Variants in MYH15 observed in about 807,000 individuals in gnomAD.
MYH15 encodes myosin-15.
A neutral mutation model predicts 240.5 loss-of-function variants in MYH15; 227 were observed. The observed-to-expected ratio is 0.94, with a 90% CI of 0.85 to 1.05. The LOEUF is 1.05. Among genes scored for constraint, MYH15 ranks in the 50% least tolerant of loss-of-function variants. The probability of loss-of-function intolerance (pLI) is 0.00; values close to 1 mark genes in which losing one functional copy is unlikely to be tolerated. For missense variants in MYH15, 2,217 were observed against 2,247.5 expected, an observed-to-expected ratio of 0.99 and a Z score of 0.27; for synonymous variants, 785 against 796.7, an observed-to-expected ratio of 0.99 and a Z score of 0.25.
At chr3:108,462,999 C>A (rs940501996) in intron 16 of MYH15, 112 bp downstream of exon 16, 24 of 1,274,026 alleles carry the variant, frequency 1.9e-5, no homozygotes, top group Non-Finnish European at 2.6e-5. Context: ...ACGACTCAGA[C>A]CACAGGGAGC....
intron 12 of MYH15, among the ~76,000 whole-genome samples, chr3:108,472,376 G>C (rs1013476563): frequency 3.9e-5 from 6 of 152,204 alleles, no homozygotes; most frequent in African/African-American, 1.4e-4. Flanking sequence ...CTGCCCAGGA[G>C]AGAGCACACA....
At chr3:108,490,423 C>T (rs2083337688) in intron 9 of MYH15, among the ~76,000 whole-genome samples, 1 of 152,210 alleles carries the variant, frequency 6.6e-6, no homozygotes, top group Non-Finnish European at 1.5e-5. Flanking sequence ...GCATTGTTGT[C>T]CTCAAAGGCT....
chr3:108,532,315 C>T (rs2083717043), upstream of MYH15, among the ~76,000 whole-genome samples: 1 of 151,768 alleles, frequency 6.6e-6, no homozygotes. Flanking sequence ...AGACCTTATC[C>T]AATCAAAAAA....
At position 108,389,967 on chromosome 3, in the gene MYH15, C is replaced by A. The variant is rs1214648430; in HGVS notation, c.5431-893G>T. Among the ~76,000 whole-genome samples, 11 of 152,316 alleles carry A rather than the reference C, an allele frequency of 7.2e-5. No individual in the cohort carries two copies. The East Asian group carries it at 2.1e-3, about 29-fold the overall frequency. ...TCCCCACTGGAGCCATTCTTCCCTC[C>A]TGTACCTCCTCAGAGAGGTGCAACG... On this transcript the variant is annotated intron_variant, in intron 37 of 40. Transcript: ENST00000693548.
At chr3:108,517,377 G>A (rs1439137266) in intron 1 of MYH15, among the ~76,000 whole-genome samples, 3 of 152,084 alleles carry the variant, frequency 2.0e-5, no homozygotes, top group African/African-American at 7.2e-5. Context: ...TTGTTGCCCA[G>A]GCTGGAGTGC....
At chr3:108,537,894 C>G in the MYH15 span, among the ~76,000 whole-genome samples, 83 of 152,260 alleles carry the variant, frequency 5.5e-4, no homozygotes, top group Admixed American at 9.2e-4. Flanking sequence ...TTACTACAGT[C>G]TTGTTTCTCA....
intron 33 of MYH15, among the ~76,000 whole-genome samples, chr3:108,400,689 G>A (rs202055192): frequency 6.6e-6 from 1 of 152,172 alleles, no homozygotes; most frequent in East Asian, 1.9e-4. Context: ...TGTGTCTGTA[G>A]TCCCAGCTAC....
In MYH15 at chr3:108,384,626, T is replaced by G. The variant is rs558963102; in HGVS notation, c.5631+61A>C. On this transcript the variant is annotated intron_variant, in intron 39 of 40. Coordinates refer to ENST00000693548, the MANE Select transcript of MYH15 (RefSeq NM_014981.3). ...TGCTTGCTGAGCTCAGGGTCACAGA[T>G]CTCCCTTAATCAAAACAACACTGGG... 1.6e-4 allele frequency: 228 copies of G among 1,456,332 alleles called. 1 individual carries two copies. Among genetic ancestry groups the G allele is most frequent in the Admixed American group, 7.8e-4 (46 of 59,154 alleles). 90.2% of individuals were successfully genotyped at this position (1,456,332 alleles called of 1,614,324 possible).
intron 12 of MYH15, among the ~76,000 whole-genome samples, chr3:108,473,533 C>T (rs2083194858): frequency 6.6e-6 from 1 of 152,154 alleles, no homozygotes; most frequent in Admixed American, 6.5e-5. Context: ...CTAGTTGTGT[C>T]ACCTTGAGTG....
At chr3:108,437,817 T>C (rs1312871228) in intron 24 of MYH15, 118 bp from the exon 25 acceptor site, 30 of 1,020,666 alleles carry the variant, frequency 2.9e-5, no homozygotes, top group Non-Finnish European at 3.9e-5. Flanking sequence ...ATTCTATAAA[T>C]GATGCCCAGT....
Position 108,464,648 on chromosome 3 carries a change from T to C in MYH15, c.1721A>G (p.Tyr574Cys), listed in dbSNP as rs1303236433. 1.2e-6 allele frequency: 2 copies of C among 1,612,048 alleles called. No individual in the cohort carries two copies. The highest frequency in any genetic ancestry group is 8.5e-7 in the Non-Finnish European group (1 of 1,179,228). The stretch of plus-strand genomic sequence containing the variant: ...CCAGAGGTAACTCACCACTCCTGCA[T>C]AATGGACAAGTTCAAAATGAGCTTC... ...KFEAHFELVH[Y>C]AGVVPYNISG... The change falls in exon 15 of 41, where the codon TAT (tyrosine) becomes TGT (cysteine). Residue 574 changes from tyrosine to cysteine, a missense_variant. Tyr to Cys is a radical substitution (Grantham distance 194). Transcript: ENST00000693548.
At chr3:108,389,786 C>A (rs930009996) in intron 37 of MYH15, among the ~76,000 whole-genome samples, 1 of 152,190 alleles carries the variant, frequency 6.6e-6, no homozygotes, top group African/African-American at 2.4e-5. Flanking sequence ...TTGATGTTGG[C>A]TGCTCCCCCT....
chr3:108,530,922 A>G (rs1451003667), upstream of MYH15, among the ~76,000 whole-genome samples: 1 of 152,208 alleles, frequency 6.6e-6, no homozygotes, highest in African/African-American at 2.4e-5. Context: ...ATTGAATACA[A>G]TAAGTAGAGC....
intron 15 of MYH15, among the ~76,000 whole-genome samples, chr3:108,463,658 A>C (rs2083090367): frequency 6.6e-6 from 1 of 152,112 alleles, no homozygotes; most frequent in Non-Finnish European, 1.5e-5. Context: ...TAAATCACAA[A>C]TTATATGGGT....
At chr3:108,502,260 T>C (rs2083444427) in intron 2 of MYH15, among the ~76,000 whole-genome samples, 1 of 152,140 alleles carries the variant, frequency 6.6e-6, no homozygotes. Flanking sequence ...GAGGCAGACC[T>C]TATCCTTCCA....
At chr3:108,500,930 G>A (rs78240026) in intron 3 of MYH15, among the ~76,000 whole-genome samples, 6,562 of 152,174 alleles carry the variant, frequency 0.043, 467 homozygotes, top group African/African-American at 0.15. Flanking sequence ...TGCTAGAGCC[G>A]CTAGAAGCTG....
chr3:108,429,426 A>C (rs750172219), intron 26 of MYH15, among the ~76,000 whole-genome samples: 11 of 152,320 alleles, frequency 7.2e-5, no homozygotes, highest in Non-Finnish European at 1.2e-4. Context: ...GATTTCAAGG[A>C]AGAGATTTGA....
In MYH15 at chr3:108,501,767, T is replaced by C. The variant is rs528646816; in HGVS notation, c.284A>G (p.Asn95Ser). Reference sequence around the variant, plus strand: ...CAGGGTATGCAGCACGGATGCCTCATTGAGGTGAGTCAGCATTGCCATGTC... The same window carrying C: ...CAGGGTATGCAGCACGGATGCCTCACTGAGGTGAGTCAGCATTGCCATGTC... ...IEDMAMLTHL[N>S]EASVLHTLKR... Residue 95 changes from asparagine to serine, a missense_variant, in exon 3 of 41, where the codon AAT becomes AGT. Asn to Ser is a conservative substitution (Grantham distance 46, BLOSUM62 1). Transcript: ENST00000693548. 267 of 1,614,086 alleles carry C rather than the reference T, an allele frequency of 1.7e-4. No homozygotes were observed. In the South Asian group the frequency reaches 2.7e-3, roughly 16 times the overall value.
chr3:108,413,124 T>C (rs1011080990), intron 30 of MYH15, among the ~76,000 whole-genome samples: 1 of 152,180 alleles, frequency 6.6e-6, no homozygotes, highest in African/African-American at 2.4e-5. Flanking sequence ...AGATAGGCAA[T>C]TTCACCTGAA....
Sources: allele counts gnomAD v4.1 joint callset (sites outside exome capture counted in the v4.1 genomes callset), GRCh38; gene constraint gnomAD v4.1.1; transcripts MANE v1.5; gene names NCBI Gene and HGNC (gene_info 2026-07-23, HGNC 2026-07-21).